ATXN2L: variants seen among roughly 807,000 people sequenced by gnomAD.
ATXN2L encodes ataxin 2 like.
In ATXN2L, 24 loss-of-function variants were observed where a neutral mutation model predicts 120.7. The ratio of observed to expected loss-of-function variants is 0.20; its 90% CI spans 0.14 to 0.28. ATXN2L has a LOEUF of 0.28. Among genes scored for constraint, ATXN2L ranks in the 10% least tolerant of loss-of-function variants. ATXN2L has a pLI of 1.00. For missense variants in ATXN2L, 1,312 were observed against 1,432.3 expected, an observed-to-expected ratio of 0.92 and a Z score of 1.36; for synonymous variants, 653 against 568.1, an observed-to-expected ratio of 1.15 and a Z score of -2.13.
chr16:28,829,674 C>T (rs544730915), intron 7 of ATXN2L, 182 bp downstream of exon 7: 24 of 769,478 alleles, frequency 3.1e-5, no homozygotes, highest in East Asian at 2.7e-4. Flanking sequence ...TTAAGTGCTT[C>T]TCACATTCCC....
chr16:28,825,466 T>TAGGG, intron 2 of ATXN2L, 64 bp downstream of exon 2: 1 of 1,561,928 alleles, frequency 6.4e-7, no homozygotes, highest in Non-Finnish European at 8.8e-7. Flanking sequence ...TGTGGGAATA[T>TAGGG]AGGGCACATT....
rs1205115499 is a variant in ATXN2L, at chr16:28,836,568, G to A, written c.*303G>A. On this transcript the variant is annotated 3_prime_UTR_variant, in exon 22 of 22. Coordinates refer to ENST00000336783, the MANE Select transcript of ATXN2L (RefSeq NM_007245.4). ...ATGAGTGAGGGCTCTGGCTTACTGG[G>A]AAACAGCGATTGACCTGTGCTTCTG... 2 of 1,568,820 alleles carry A rather than the reference G, an allele frequency of 1.3e-6. No individual in the cohort carries two copies. The highest frequency in any genetic ancestry group is 1.7e-6 in the Non-Finnish European group (2 of 1,160,280).
chr16:28,825,697 C>A lies in ATXN2L; in HGVS notation c.393+17C>A. On this transcript the variant is annotated intron_variant, in intron 3 of 21. Coordinates refer to ENST00000336783, the MANE Select transcript of ATXN2L (RefSeq NM_007245.4). Reference sequence around the variant, plus strand: ...GCTGTTGTGGTAAGTTGGTACTTAACCCCCGGGTTGTTTAAGGAACGTAAT... The same window carrying A: ...GCTGTTGTGGTAAGTTGGTACTTAAACCCCGGGTTGTTTAAGGAACGTAAT... 6.2e-7 allele frequency: 1 copy of A among 1,613,950 alleles called. No homozygotes were observed. Among genetic ancestry groups the A allele is most frequent in the Non-Finnish European group, 8.5e-7 (1 of 1,179,840 alleles).
chr16:28,835,017 G>C, intron 18 of ATXN2L, 41 bp from the exon 19 acceptor site: 1 of 1,586,668 alleles, frequency 6.3e-7, no homozygotes, highest in South Asian at 1.2e-5. Flanking sequence ...CACCTTCCCA[G>C]CTGGCGGCTG....
At chr16:28,823,820 G>C (rs1050945655) in intron 1 of ATXN2L, 6 of 379,606 alleles carry the variant, frequency 1.6e-5, no homozygotes, top group African/African-American at 1.3e-4. Context: ...GAGGCGGGGC[G>C]CATCCCGCCG....
At position 28,830,274 on chromosome 16, in the gene ATXN2L, C is replaced by G. The variant is rs927890772; in HGVS notation, c.1034+216C>G. Among the ~76,000 whole-genome samples the G allele has an allele frequency of 2.6e-5, 4 of 152,116 alleles. No individual in the cohort carries two copies. In the East Asian group the frequency reaches 7.7e-4, roughly 29 times the overall value. The stretch of plus-strand genomic sequence containing the variant: ...AAAAAAAAAATTCAAAATTTATGTG[C>G]TATTTCTTTTTATAAAAGTGAAATA... On this transcript the variant is annotated intron_variant, in intron 8 of 21. Transcript: ENST00000336783.
chr16:28,825,088 G>C (rs1040353350), intron 1 of ATXN2L, among the ~76,000 whole-genome samples: 1 of 150,442 alleles, frequency 6.6e-6, no homozygotes, highest in Non-Finnish European at 1.5e-5. Context: ...GTGGTGGTTC[G>C]TACCTATAGT....
At chr16:28,834,441 G>A (rs375591297) in intron 17 of ATXN2L, 26 bp downstream of exon 17, 96 of 1,613,376 alleles carry the variant, frequency 6.0e-5, no homozygotes, top group Non-Finnish European at 7.3e-5. Flanking sequence ...AGGGGCAGGC[G>A]GCGAGGCTGC....
chr16:28,836,949 C>A lies in ATXN2L; in HGVS notation c.*684C>A. 2 of 711,996 alleles carry A rather than the reference C, an allele frequency of 2.8e-6. No homozygotes were observed. The highest frequency in any genetic ancestry group is 3.4e-5 in the South Asian group (2 of 58,924). The allele number at this position is 711,996 out of a possible 1,614,324, so 44.1% of individuals were successfully genotyped here. A position where few individuals can be genotyped will look rare whatever the true frequency, so the allele number is the denominator to read the frequency against. ...GGAGGGGCCTCACAGAGGGCAGGGC[C>A]AGGGTCCAGCAGGGGTGGGGGGTTC... is the stretch of plus-strand genomic sequence containing the variant. On this transcript the variant is annotated 3_prime_UTR_variant, in exon 22 of 22. Transcript: ENST00000336783.
chr16:28,825,601 C>T, intron 2 of ATXN2L, 23 bp from the exon 3 acceptor site: 2 of 1,610,338 alleles, frequency 1.2e-6, no homozygotes, highest in South Asian at 1.1e-5. Flanking sequence ...TCCTTTAATT[C>T]TCCCTCTTAT....
At position 28,823,618 on chromosome 16, in the gene ATXN2L, C is replaced by T. The variant is rs533584226; in HGVS notation, c.299+60C>T. The T allele has an allele frequency of 1.7e-5, 22 of 1,267,812 alleles. No individual in the cohort carries two copies. In the South Asian group the frequency reaches 5.5e-4, roughly 32 times the overall value. 78.5% of individuals were successfully genotyped at this position (1,267,812 alleles called of 1,614,324 possible). A position where few individuals can be genotyped will look rare whatever the true frequency, so the allele number is the denominator to read the frequency against. ...GCCACCCAGAGGCTGTGGCTCGGTT[C>T]CGGTGGGGCGGACCCCGACCCGGCA... On this transcript the variant is annotated intron_variant, in intron 1 of 21. Coordinates refer to ENST00000336783, the MANE Select transcript of ATXN2L (RefSeq NM_007245.4).
At chr16:28,825,703 G>A (rs773730957) in intron 3 of ATXN2L, 23 bp downstream of exon 3, 4 of 1,613,594 alleles carry the variant, frequency 2.5e-6, no homozygotes, top group African/African-American at 2.7e-5. Flanking sequence ...TTAACCCCCG[G>A]GTTGTTTAAG....
rs192948721 is a variant in ATXN2L at position 28,829,979 on chromosome 16, G to A, written c.955G>A (p.Asp319Asn). Residue 319 changes from aspartate to asparagine, a missense_variant, in exon 8 of 22, where the codon GAT becomes AAT. Physicochemically the swap from Asp to Asn is conservative, Grantham distance 23. Coordinates refer to ENST00000336783, the MANE Select transcript of ATXN2L (RefSeq NM_007245.4). Reference protein sequence around the residue: ...YRLRIAMENDDGRTEEEKHSA... With the variant: ...YRLRIAMENDNGRTEEEKHSA... ...CCTACGGATCGCCATGGAGAACGAC[G>A]ATGGGCGCACTGAAGAGGAGAAGCA... The A allele has an allele frequency of 4.3e-6, 7 of 1,614,228 alleles. No individual in the cohort carries two copies. In the East Asian group the frequency reaches 6.7e-5, roughly 15 times the overall value.
intron 15 of ATXN2L, 154 bp from the exon 16 acceptor site, chr16:28,833,911 T>C: frequency 2.3e-6 from 2 of 865,088 alleles, no homozygotes; most frequent in South Asian, 1.8e-5. Flanking sequence ...AGAATACTCA[T>C]CTCCTCATAG....
In ATXN2L at chr16:28,826,856, C is replaced by T. The variant is rs928042736; in HGVS notation, c.617-6C>T. The T allele has an allele frequency of 3.2e-6, 5 of 1,568,966 alleles. No individual in the cohort carries two copies. Among genetic ancestry groups the T allele is most frequent in the Non-Finnish European group, 4.3e-6 (5 of 1,152,482 alleles). ...TGACTCCTGATCTTCACCTCTGCCC[C>T]CACAGACAAGTTCACCGATTCAGCC... On this transcript the variant is annotated splice_polypyrimidine_tract_variant and splice_region_variant and intron_variant, in intron 5 of 21. Coordinates refer to ENST00000336783, the MANE Select transcript of ATXN2L (RefSeq NM_007245.4).
rs150657551 is a variant in ATXN2L at position 28,833,439 on chromosome 16, A to G, written c.1956A>G (p.Glu652=). The stretch of plus-strand genomic sequence containing the variant: ...AGATTTACTGTACTTTCTCTCACAG[A>G]CAAGTAAAGAAATCAACGTTGAACC... ...GEDKDEGPVA[E]QVKKSTLNPN... The change falls in exon 15 of 22, where the codon GAA becomes GAG. Residue 652 remains glutamate, a splice_region_variant and synonymous_variant. Transcript: ENST00000336783. 59 of 1,614,094 alleles carry G rather than the reference A, an allele frequency of 3.7e-5. No homozygotes were observed. The African/African-American group carries it at 7.1e-4, about 19-fold the overall frequency.
Position 28,830,711 on chromosome 16 carries a change from C to T in ATXN2L, c.1131C>T (p.Ser377=). 1 of 1,613,862 alleles carries T rather than the reference C, an allele frequency of 6.2e-7. No individual in the cohort carries two copies. The highest frequency in any genetic ancestry group is 8.5e-7 in the Non-Finnish European group (1 of 1,179,922). ...CTCGGGGCGGTCGGCCTGGCCTTAG[C>T]TCTTTGCCACCTCGTGGCCCTCACC... ...SSSRGGRPGL[S]SLPPRGPHHL... Residue 377 remains serine (S), a synonymous_variant, in exon 9 of 22, where the codon AGC becomes AGT. Coordinates refer to ENST00000336783, the MANE Select transcript of ATXN2L (RefSeq NM_007245.4).
chr16:28,824,422 G>A, intron 1 of ATXN2L: 1 of 1,283,508 alleles, frequency 7.8e-7, no homozygotes, highest in Non-Finnish European at 1.0e-6. Context: ...GCCTCCCGGT[G>A]GATGGCTTTT....
chr16:28,832,161 G>C (rs1264078294), intron 10 of ATXN2L, 44 bp from the exon 11 acceptor site: 1 of 1,607,536 alleles, frequency 6.2e-7, no homozygotes, highest in East Asian at 2.2e-5. Flanking sequence ...ACTCACTGCT[G>C]TTGACCAGCA....
Sources: gnomAD v4.1 joint callset for allele counts (sites outside exome capture counted in the v4.1 genomes callset) on GRCh38, gnomAD v4.1.1 for gene constraint, MANE v1.5 for transcripts, NCBI Gene and HGNC (gene_info 2026-07-23, HGNC 2026-07-21) for gene names.